DCC: variants seen among roughly 807,000 people sequenced by gnomAD.
DCC encodes DCC netrin 1 receptor, also known as netrin receptor DCC.
A neutral mutation model predicts 172.5 loss-of-function variants in DCC; 58 were observed. That is an observed-to-expected ratio of 0.34 (90% CI 0.27 to 0.42). The LOEUF is 0.42. Among genes scored for constraint, DCC ranks in the 10% least tolerant of loss-of-function variants. The pLI is 1.00. For synonymous variants in DCC, 709 were observed against 644.5 expected (o/e 1.10, Z -1.52); for missense variants, 1,740 against 1,791.0 (o/e 0.97, Z 0.51).
At chr18:52,784,106 G>A (rs998889721) in intron 2 of DCC, among the ~76,000 whole-genome samples, 3 of 151,740 alleles carry the variant, frequency 2.0e-5, no homozygotes, top group Non-Finnish European at 2.9e-5. Context: ...CTAGACTCTC[G>A]TAACTGTCAT....
chr18:52,517,381 A>G (rs1458611516), intron 1 of DCC, among the ~76,000 whole-genome samples: 2 of 152,218 alleles, frequency 1.3e-5, no homozygotes, highest in African/African-American at 4.8e-5. Flanking sequence ...GCAGGTAGAA[A>G]GGACCAGGCA....
At chr18:53,286,248 T>G (rs2144738569) in intron 12 of DCC, among the ~76,000 whole-genome samples, 1 of 152,172 alleles carries the variant, frequency 6.6e-6, no homozygotes, top group Middle Eastern at 3.4e-3. Context: ...ATCTTGAATT[T>G]TAACTCCCAC....
chr18:53,136,427 C>T (rs2043743821), intron 7 of DCC, among the ~76,000 whole-genome samples: 1 of 152,000 alleles, frequency 6.6e-6, no homozygotes, highest in African/African-American at 2.4e-5. Context: ...AAGTATTGAG[C>T]TTTAAGTATA....
At chr18:52,366,799 C>T (rs1014208470) in intron 1 of DCC, among the ~76,000 whole-genome samples, 1 of 152,232 alleles carries the variant, frequency 6.6e-6, no homozygotes, top group Admixed American at 6.5e-5. Context: ...GACATAAAGA[C>T]TCTCCACCTC....
At chr18:52,899,299 A>G (rs754937376) in intron 2 of DCC, among the ~76,000 whole-genome samples, 2 of 141,568 alleles carry the variant, frequency 1.4e-5, no homozygotes, top group African/African-American at 5.4e-5. Flanking sequence ...ACAGGTGTGC[A>G]CCTCCAGACC....
intron 27 of DCC, among the ~76,000 whole-genome samples, chr18:53,500,867 G>C (rs1010480468): frequency 6.6e-6 from 1 of 151,892 alleles, no homozygotes; most frequent in African/African-American, 2.4e-5. Context: ...GGTCTGTATT[G>C]CCCAAGCCCC....
rs542556110 is a variant in DCC, at chr18:53,424,811, T to G, written c.3163+8655T>G. Reference sequence around the variant, plus strand: ...CCTACCTTTGCAGAGTAGTACCTTATGGCAGAGACCTATGTTGGTGAAGAG... The same window carrying G: ...CCTACCTTTGCAGAGTAGTACCTTAGGGCAGAGACCTATGTTGGTGAAGAG... On this transcript the variant is annotated intron_variant, in intron 21 of 28. Transcript: ENST00000442544. 3.0e-4 allele frequency among the ~76,000 whole-genome samples: 46 copies of G among 152,314 alleles called. 1 individual carries two copies. The South Asian group carries it at 9.3e-3, about 31-fold the overall frequency.
At chr18:53,481,562 T>C (rs1267497043) in intron 25 of DCC, among the ~76,000 whole-genome samples, 3 of 152,126 alleles carry the variant, frequency 2.0e-5, no homozygotes, top group African/African-American at 7.2e-5. Context: ...TACAGGTCAT[T>C]GTGGAAAAGA....
In DCC at chr18:53,442,768, G is replaced by C. The variant is rs906652875; in HGVS notation, c.3229+7559G>C. ...GAAGGAAATTCAAAGTGCTATTCTA[G>C]TGAACCCATGAATGATAAGAAAGCA... On this transcript the variant is annotated intron_variant, in intron 22 of 28. Coordinates refer to ENST00000442544, the MANE Select transcript of DCC (RefSeq NM_005215.4). 1.3e-5 allele frequency among the ~76,000 whole-genome samples: 2 copies of C among 152,214 alleles called. 1 individual carries two copies. Among genetic ancestry groups the C allele is most frequent in the African/African-American group, 4.8e-5 (2 of 41,450 alleles).
chr18:52,789,831 T>C (rs897582691), intron 2 of DCC, among the ~76,000 whole-genome samples: 1 of 152,128 alleles, frequency 6.6e-6, no homozygotes, highest in Non-Finnish European at 1.5e-5. Context: ...GTTTACAGTT[T>C]ATAGTCCAAA....
intron 2 of DCC, among the ~76,000 whole-genome samples, chr18:52,876,799 T>G (rs897221709): frequency 3.3e-5 from 5 of 151,880 alleles, no homozygotes; most frequent in Non-Finnish European, 7.4e-5. Context: ...TAGAGATTTT[T>G]GCCTTCCATA....
chr18:52,948,768 C>A (rs1388971375), intron 5 of DCC, among the ~76,000 whole-genome samples: 1 of 152,194 alleles, frequency 6.6e-6, no homozygotes, highest in Non-Finnish European at 1.5e-5. Context: ...TGTTTTACAG[C>A]AGACTTTATT....
intron 1 of DCC, among the ~76,000 whole-genome samples, chr18:52,748,924 C>T (rs924554140): frequency 2.0e-5 from 3 of 152,182 alleles, no homozygotes; most frequent in African/African-American, 7.2e-5. Context: ...AGGCTGGACC[C>T]ATTGGCTCAT....
rs186164048 is a variant in DCC, at chr18:53,268,504, A to G, written c.1912-37074A>G. Among the ~76,000 whole-genome samples the G allele has an allele frequency of 2.2e-4, 33 of 152,298 alleles. No individual in the cohort carries two copies. The South Asian group carries it at 5.2e-3, about 24-fold the overall frequency. ...ATGTTAAGATGAAATGCCTTCTTAC[A>G]TATTCAATAAGCTTCTCTCAAGAAT... On this transcript the variant is annotated intron_variant, in intron 12 of 28. Transcript: ENST00000442544.
chr18:53,192,312 T>G (rs2055377356), intron 9 of DCC, among the ~76,000 whole-genome samples: 1 of 152,222 alleles, frequency 6.6e-6, no homozygotes, highest in African/African-American at 2.4e-5. Flanking sequence ...TTTTTATTGT[T>G]GCTGCTATTG....
chr18:53,388,704 G>C (rs1292417246), intron 16 of DCC, among the ~76,000 whole-genome samples: 1 of 152,178 alleles, frequency 6.6e-6, no homozygotes, highest in Non-Finnish European at 1.5e-5. Flanking sequence ...AATAAAACAC[G>C]CTGTTTCATT....
intron 2 of DCC, among the ~76,000 whole-genome samples, chr18:52,874,718 C>G (rs1030851215): frequency 6.6e-6 from 1 of 151,894 alleles, no homozygotes; most frequent in African/African-American, 2.4e-5. Context: ...GATACAGCCA[C>G]AAGAGGAGAC....
At chr18:52,863,743 A>G (rs1248905159) in intron 2 of DCC, among the ~76,000 whole-genome samples, 1 of 151,942 alleles carries the variant, frequency 6.6e-6, no homozygotes, top group East Asian at 1.9e-4. Context: ...ATTTTTAACA[A>G]CTATGTTTGG....
chr18:53,316,207 G>T (rs1568051245), intron 13 of DCC, among the ~76,000 whole-genome samples: 1 of 152,278 alleles, frequency 6.6e-6, no homozygotes, highest in African/African-American at 2.4e-5. Context: ...TTATTAAATA[G>T]GGAATCCTTT....
Sources: allele counts gnomAD v4.1 joint callset (sites outside exome capture counted in the v4.1 genomes callset), GRCh38; gene constraint gnomAD v4.1.1; transcripts MANE v1.5; gene names NCBI Gene and HGNC (gene_info 2026-07-23, HGNC 2026-07-21).